The following INPP5B variants were observed in gnomAD, a reference collection of about 807,000 sequenced individuals.
INPP5B encodes type II inositol 1,4,5-trisphosphate 5-phosphatase.
INPP5B carries 90 observed loss-of-function variants against 118.5 expected under a neutral mutation model. The ratio of observed to expected loss-of-function variants is 0.76; its 90% CI spans 0.64 to 0.90. The LOEUF is 0.90. INPP5B is among the 40% of genes least tolerant of loss of function. The pLI is 0.00. For synonymous variants in INPP5B, 385 were observed against 418.9 expected (o/e 0.92, Z 0.99); for missense variants, 984 against 1,125.6 (o/e 0.87, Z 1.80).
chr1:37,946,992 C>T lies in INPP5B; in HGVS notation c.-29G>A, dbSNP rs1235276403. 3 of 152,434 alleles carry T rather than the reference C, an allele frequency of 2.0e-5. No homozygotes were observed. The highest frequency in any genetic ancestry group is 1.5e-5 in the Non-Finnish European group (1 of 68,254). The allele number at this position is 152,434 out of a possible 1,614,324, so 9.4% of individuals were successfully genotyped here. On this transcript the variant is annotated splice_region_variant and 5_prime_UTR_variant, in exon 1 of 24. Transcript: ENST00000373024. ...AGCTCCCTGACATTGTCACCTACCT[C>T]CTGAGCTGTCACCACAGGGCGCACG...
At chr1:37,934,365 G>T (rs1361143533) in intron 6 of INPP5B, among the ~76,000 whole-genome samples, 2 of 152,082 alleles carry the variant, frequency 1.3e-5, no homozygotes, top group African/African-American at 4.8e-5. Flanking sequence ...CAGTTGTTGT[G>T]CATTGTCTCG....
chr1:37,900,534 T>G (rs1276178608), intron 7 of INPP5B, among the ~76,000 whole-genome samples: 1 of 151,910 alleles, frequency 6.6e-6, no homozygotes, highest in African/African-American at 2.4e-5. Context: ...ATTACAGGCG[T>G]GAGCCACTGC....
intron 7 of INPP5B, among the ~76,000 whole-genome samples, chr1:37,895,345 T>C (rs4329476): frequency 0.6 from 91,776 of 152,158 alleles, 29,600 homozygotes; most frequent in Non-Finnish European, 0.73. Flanking sequence ...TCTGAAAGTA[T>C]GCTGGGTGCA....
chr1:37,905,778 A>G (rs1557679151), intron 7 of INPP5B, among the ~76,000 whole-genome samples: 1 of 152,252 alleles, frequency 6.6e-6, no homozygotes, highest in Non-Finnish European at 1.5e-5. Flanking sequence ...ATGAATGTCA[A>G]TCAGAACAGA....
chr1:37,885,471 A>G, intron 13 of INPP5B, 167 bp downstream of exon 13: 1 of 549,206 alleles, frequency 1.8e-6, no homozygotes. Context: ...ATAGCAAGTT[A>G]GGAAACTAAA....
intron 7 of INPP5B, among the ~76,000 whole-genome samples, chr1:37,908,383 T>C (rs1435345234): frequency 1.3e-5 from 2 of 152,130 alleles, no homozygotes. Flanking sequence ...AATCTTCCTC[T>C]CTTGCTACCC....
intron 7 of INPP5B, among the ~76,000 whole-genome samples, chr1:37,895,839 C>T (rs904546384): frequency 2.6e-5 from 4 of 152,100 alleles, no homozygotes; most frequent in African/African-American, 9.6e-5. Context: ...GGCTGGAGTG[C>T]AGTGGCGTGA....
At chr1:37,872,694 C>A (rs1389182469) in intron 19 of INPP5B, among the ~76,000 whole-genome samples, 1 of 150,870 alleles carries the variant, frequency 6.6e-6, no homozygotes, top group African/African-American at 2.4e-5. Context: ...CTAGGTGAGA[C>A]AAGCAGAAGA....
At chr1:37,875,784 G>A in intron 16 of INPP5B, 68 bp from the exon 17 acceptor site, 1 of 1,085,950 alleles carries the variant, frequency 9.2e-7, no homozygotes, top group Non-Finnish European at 1.4e-6. Context: ...AGTATAGACG[G>A]CATTCACAGC....
At chr1:37,941,351 T>C (rs1645900572) in intron 5 of INPP5B, among the ~76,000 whole-genome samples, 1 of 152,094 alleles carries the variant, frequency 6.6e-6, no homozygotes, top group Non-Finnish European at 1.5e-5. Context: ...GCAGAGCGAT[T>C]AAGAGTGTGG....
chr1:37,877,193 A>C (rs374828515), intron 16 of INPP5B, among the ~76,000 whole-genome samples: 1 of 151,642 alleles, frequency 6.6e-6, no homozygotes, highest in Non-Finnish European at 1.5e-5. Flanking sequence ...ATACAAAAAA[A>C]TAGCCAGACG....
chr1:37,872,234 G>T (rs1260605603), intron 19 of INPP5B, among the ~76,000 whole-genome samples: 1 of 151,710 alleles, frequency 6.6e-6, no homozygotes, highest in African/African-American at 2.4e-5. Context: ...GCCAGGCGTG[G>T]TGGCGCATGC....
intron 7 of INPP5B, among the ~76,000 whole-genome samples, chr1:37,892,661 G>T (rs1007300555): frequency 6.6e-6 from 1 of 152,162 alleles, no homozygotes; most frequent in Non-Finnish European, 1.5e-5. Flanking sequence ...AAAAAAGAAA[G>T]CATAATCATT....
intron 10 of INPP5B, among the ~76,000 whole-genome samples, chr1:37,888,037 A>T (rs947626191): frequency 6.6e-6 from 1 of 152,210 alleles, no homozygotes; most frequent in Non-Finnish European, 1.5e-5. Context: ...TACACTAAAA[A>T]TTAAATACTA....
chr1:37,933,929 T>G (rs944509810), intron 6 of INPP5B, among the ~76,000 whole-genome samples: 3 of 146,372 alleles, frequency 2.0e-5, no homozygotes, highest in African/African-American at 7.8e-5. Flanking sequence ...ATTTATTTAT[T>G]TATTTATTTA....
intron 23 of INPP5B, among the ~76,000 whole-genome samples, chr1:37,863,859 G>GGCTGGAGT (rs1641862759): frequency 6.8e-6 from 1 of 147,688 alleles, no homozygotes; most frequent in Admixed American, 6.8e-5. Context: ...CTGTCGCCCA[G>GGCTGGAGT]GCTGGAGTGC....
chr1:37,886,213 T>G (rs750790543), intron 12 of INPP5B, among the ~76,000 whole-genome samples: 28 of 151,746 alleles, frequency 1.8e-4, no homozygotes, highest in Non-Finnish European at 4.0e-4. Context: ...CTACAGACTT[T>G]CAAAATGTTT....
At chr1:37,895,782 C>T (rs1298444135) in intron 7 of INPP5B, among the ~76,000 whole-genome samples, 1 of 152,220 alleles carries the variant, frequency 6.6e-6, no homozygotes, top group Non-Finnish European at 1.5e-5. Context: ...CCTGAGGTGC[C>T]GGGATTGCAG....
At chr1:37,866,259 A>G (rs1465121613) in intron 21 of INPP5B, among the ~76,000 whole-genome samples, 200 bp downstream of exon 21, 1 of 152,228 alleles carries the variant, frequency 6.6e-6, no homozygotes, top group Non-Finnish European at 1.5e-5. Flanking sequence ...CCTGTCTCAA[A>G]AAATAAATAA....
Sources: gnomAD v4.1 joint callset for allele counts (sites outside exome capture counted in the v4.1 genomes callset) on GRCh38, gnomAD v4.1.1 for gene constraint, MANE v1.5 for transcripts, NCBI Gene and HGNC (gene_info 2026-07-23, HGNC 2026-07-21) for gene names.